DYM: variants seen among roughly 807,000 people sequenced by gnomAD.
DYM encodes dymeclin, also known as dyggve-Melchior-Clausen syndrome protein.
In DYM, 78 loss-of-function variants were observed where a neutral mutation model predicts 93.1. The ratio of observed to expected loss-of-function variants is 0.84; its 90% CI spans 0.70 to 1.01. DYM has a LOEUF of 1.01. Ranked by LOEUF, DYM falls within the 50% of genes least tolerant of loss-of-function variation. The pLI, the probability that DYM is intolerant of heterozygous loss-of-function variation, is 0.00. For synonymous variants in DYM, 321 were observed against 319.7 expected, an observed-to-expected ratio of 1.00 and a Z score of -0.04; for missense variants, 789 against 845.0, an observed-to-expected ratio of 0.93 and a Z score of 0.82.
intron 13 of DYM, among the ~76,000 whole-genome samples, chr18:49,229,970 A>C (rs1194207063): frequency 1.3e-5 from 2 of 152,208 alleles, no homozygotes; most frequent in Admixed American, 6.5e-5. Flanking sequence ...ATAAATCTCC[A>C]GTCTCAAAAG....
Position 49,378,636 on chromosome 18 carries a change from T to C in DYM, c.352A>G (p.Ile118Val), listed in dbSNP as rs1441897572. ...AATTCCTCCTCTGACATCTGACAGA[T>C]GAACACTTTCAGCAAACAGCAAATA... ...FIICCLLKVF[I>V]CQMSEEELQL... is the part of the protein sequence containing the mutation. Residue 118 changes from isoleucine to valine, a missense_variant, in exon 5 of 18, where the codon ATC (isoleucine) becomes GTC (valine). Ile to Val is a conservative substitution (Grantham distance 29). This residue lies in a region of DYM where 450 missense variants were observed against 436.2 expected (regional missense o/e 1.03). Coordinates refer to ENST00000675505, the MANE Select transcript of DYM (RefSeq NM_001353214.3). 6.2e-7 allele frequency: 1 copy of C among 1,613,184 alleles called. No homozygotes were observed. The highest frequency in any genetic ancestry group is 2.2e-5 in the East Asian group (1 of 44,738).
intron 17 of DYM, among the ~76,000 whole-genome samples, chr18:49,054,687 G>A (rs1199037897): frequency 6.6e-6 from 1 of 152,156 alleles, no homozygotes; most frequent in Non-Finnish European, 1.5e-5. Flanking sequence ...GGAACACCAT[G>A]GCTGGCGACA....
intron 13 of DYM, among the ~76,000 whole-genome samples, chr18:49,226,401 A>G (rs918184425): frequency 3.9e-5 from 6 of 152,292 alleles, no homozygotes; most frequent in African/African-American, 1.2e-4. Context: ...CACTACAGAC[A>G]TTTGCTCTGC....
chr18:49,173,815 ATCT>A (rs1199040222), intron 14 of DYM, among the ~76,000 whole-genome samples: 7 of 152,106 alleles, frequency 4.6e-5, no homozygotes, highest in East Asian at 1.9e-4. Flanking sequence ...ATAGTTCTAA[ATCT>A]TCTTTTCTAA....
At chr18:49,324,138 CAAAAAAAAAA>C (rs59640889) in intron 8 of DYM, among the ~76,000 whole-genome samples, 49 of 54,434 alleles carry the variant, frequency 9.0e-4, no homozygotes, top group African/African-American at 1.9e-3. Context: ...GGCTCTGTCT[CAAAAAAAAAA>C]AAAAAAAAAA....
chr18:49,339,441 T>C (rs1279020860), intron 6 of DYM, among the ~76,000 whole-genome samples: 1 of 152,176 alleles, frequency 6.6e-6, no homozygotes, highest in Admixed American at 6.5e-5. Context: ...CTACGATGTG[T>C]GTTGAGTAGC....
intron 1 of DYM, among the ~76,000 whole-genome samples, chr18:49,456,882 A>G (rs550045974): frequency 1.8e-3 from 274 of 152,348 alleles, no homozygotes; most frequent in African/African-American, 6.2e-3. Flanking sequence ...TTCCTGATAA[A>G]TGGTGCACCA....
Position 49,345,105 on chromosome 18 carries a change from G to C in DYM, c.495-11252C>G, listed in dbSNP as rs559192010. ...TCCAGAAAATAATCCAGATCAGGTAGGCTCCACTTGATAAGAATACACAAG... is the reference window on the plus strand; with the variant it reads ...TCCAGAAAATAATCCAGATCAGGTACGCTCCACTTGATAAGAATACACAAG... On this transcript the variant is annotated intron_variant, in intron 6 of 17. Coordinates refer to ENST00000675505, the MANE Select transcript of DYM (RefSeq NM_001353214.3). Among the ~76,000 whole-genome samples the C allele has an allele frequency of 3.9e-5, 6 of 152,238 alleles. No individual in the cohort carries two copies. In the South Asian group the frequency reaches 1.2e-3, roughly 32 times the overall value.
intron 14 of DYM, among the ~76,000 whole-genome samples, chr18:49,183,519 C>T (rs2090125435): frequency 6.6e-6 from 1 of 152,080 alleles, no homozygotes; most frequent in Admixed American, 6.5e-5. Flanking sequence ...TGGCAATTTT[C>T]GATTCACCCT....
chr18:49,111,789 G>C (rs1015580661), intron 16 of DYM, among the ~76,000 whole-genome samples: 1 of 152,136 alleles, frequency 6.6e-6, no homozygotes, highest in Non-Finnish European at 1.5e-5. Flanking sequence ...TACTTGCTAG[G>C]CTGGTGGCAG....
intron 14 of DYM, among the ~76,000 whole-genome samples, chr18:49,189,445 A>G (rs991313315): frequency 6.6e-6 from 1 of 152,210 alleles, no homozygotes; most frequent in African/African-American, 2.4e-5. Flanking sequence ...ATTAGATAAT[A>G]TGCTGTTATC....
intron 13 of DYM, among the ~76,000 whole-genome samples, chr18:49,217,751 G>A (rs2093146602): frequency 6.6e-6 from 1 of 152,142 alleles, no homozygotes; most frequent in African/African-American, 2.4e-5. Context: ...GCTCCTGAAG[G>A]AAGCACTAAA....
chr18:49,140,537 T>C (rs1015388192), intron 15 of DYM, among the ~76,000 whole-genome samples: 1 of 152,226 alleles, frequency 6.6e-6, no homozygotes, highest in African/African-American at 2.4e-5. Context: ...TTATTAAGCA[T>C]AACTTAATTT....
intron 13 of DYM, among the ~76,000 whole-genome samples, chr18:49,221,329 A>G (rs1365000541): frequency 6.6e-6 from 1 of 152,136 alleles, no homozygotes; most frequent in Non-Finnish European, 1.5e-5. Context: ...TAGTTCAACC[A>G]TTGTGGAAGT....
chr18:49,336,101 A>AG (rs1463487150), intron 6 of DYM, among the ~76,000 whole-genome samples: 1 of 152,222 alleles, frequency 6.6e-6, no homozygotes. Flanking sequence ...GGCATGAGCC[A>AG]TCGTGCCAGA....
intron 8 of DYM, 61 bp from the exon 9 acceptor site, chr18:49,286,677 A>T: frequency 1.3e-6 from 2 of 1,506,342 alleles, no homozygotes; most frequent in Non-Finnish European, 1.8e-6. Flanking sequence ...GTATTTCTGT[A>T]AAGTATTCTG....
At chr18:49,192,224 T>C (rs1432948080) in intron 14 of DYM, among the ~76,000 whole-genome samples, 1 of 150,690 alleles carries the variant, frequency 6.6e-6, no homozygotes, top group African/African-American at 2.4e-5. Flanking sequence ...ACCTAGCCTC[T>C]AGCAAGTCAT....
rs7244930 is a variant in DYM, at chr18:49,155,300, C to A, written c.1728+8385G>T. Among the ~76,000 whole-genome samples, 518 of 152,314 alleles carry A rather than the reference C, an allele frequency of 3.4e-3. 3 individuals are homozygous for A. Among genetic ancestry groups the A allele is most frequent in the African/African-American group, 0.011 (459 of 41,570 alleles). On this transcript the variant is annotated intron_variant, in intron 15 of 17. Transcript: ENST00000675505. ...GTGCCATAATGCTAGCCATGCTGAT[C>A]TTTATCTACTAGTACACACACCCAA...
chr18:49,151,389 G>GA (rs1456586426), intron 15 of DYM, among the ~76,000 whole-genome samples: 1 of 152,162 alleles, frequency 6.6e-6, no homozygotes, highest in Non-Finnish European at 1.5e-5. Context: ...GGAAAGGGTT[G>GA]AATTTCCACT....
Sources: allele counts gnomAD v4.1 joint callset (sites outside exome capture counted in the v4.1 genomes callset), GRCh38; gene constraint gnomAD v4.1.1; regional missense constraint gnomAD v4.1.1; transcripts MANE v1.5; gene names NCBI Gene and HGNC (gene_info 2026-07-23, HGNC 2026-07-21).